The following ST18 variants were observed in gnomAD, a reference collection of about 807,000 sequenced individuals.
ST18 encodes ST18 C2H2C-type zinc finger transcription factor, also known as suppression of tumorigenicity 18 protein.
Under a neutral mutation model 110.0 loss-of-function variants are expected in ST18, and 50 were observed. The observed-to-expected ratio is 0.45, with a 90% CI of 0.36 to 0.58. The LOEUF is 0.58. ST18 is among the 20% of genes least tolerant of loss of function. The pLI is 0.00. For missense variants in ST18, 1,306 were observed against 1,280.1 expected, an observed-to-expected ratio of 1.02 and a Z score of -0.31; for synonymous variants, 461 against 452.4, an observed-to-expected ratio of 1.02 and a Z score of -0.24.
intron 16 of ST18, 29 bp from the exon 17 acceptor site, chr8:52,143,074 C>G (rs2055854955): frequency 1.4e-6 from 2 of 1,452,020 alleles, no homozygotes; most frequent in African/African-American, 2.8e-5. Flanking sequence ...ACAAACAAAA[C>G]ACAGAAGCCA....
intron 2 of ST18, among the ~76,000 whole-genome samples, chr8:52,393,234 G>T (rs1300527993): frequency 1.3e-5 from 2 of 152,142 alleles, no homozygotes; most frequent in African/African-American, 4.8e-5. Flanking sequence ...CTCAAAATAG[G>T]AAAGTGTTAT....
intron 2 of ST18, among the ~76,000 whole-genome samples, chr8:52,247,520 G>T (rs921893039): frequency 2.0e-5 from 3 of 152,124 alleles, no homozygotes; most frequent in African/African-American, 7.2e-5. Context: ...CGTAAGGATG[G>T]GGGCAAAATA....
At chr8:52,236,967 A>T (rs1267053447) in intron 2 of ST18, among the ~76,000 whole-genome samples, 6 of 152,200 alleles carry the variant, frequency 3.9e-5, no homozygotes, top group South Asian at 2.1e-4. Context: ...CTGTCTCTCA[A>T]GTAACACCAA....
At chr8:52,332,577 G>T (rs1406915527) in intron 2 of ST18, among the ~76,000 whole-genome samples, 1 of 137,052 alleles carries the variant, frequency 7.3e-6, no homozygotes, top group Non-Finnish European at 1.5e-5. Context: ...TGCAGGCCGG[G>T]CACGGTGGCT....
At chr8:52,359,949 G>C (rs1824954542) in intron 2 of ST18, among the ~76,000 whole-genome samples, 1 of 152,108 alleles carries the variant, frequency 6.6e-6, no homozygotes, top group Non-Finnish European at 1.5e-5. Context: ...GATAAGAATA[G>C]ATATAGCAAC....
At chr8:52,218,770 G>A (rs1367384451) in intron 5 of ST18, among the ~76,000 whole-genome samples, 1 of 151,940 alleles carries the variant, frequency 6.6e-6, no homozygotes, top group Non-Finnish European at 1.5e-5. Context: ...ACAAGATTTT[G>A]CTGTGCTCAT....
intron 2 of ST18, among the ~76,000 whole-genome samples, chr8:52,300,449 C>T (rs1269058023): frequency 2.0e-5 from 3 of 152,112 alleles, no homozygotes; most frequent in African/African-American, 7.2e-5. Context: ...TTATATGTAG[C>T]TATGACAAAC....
chr8:52,188,234 G>A (rs1163125167), intron 8 of ST18, among the ~76,000 whole-genome samples: 1 of 152,170 alleles, frequency 6.6e-6, no homozygotes, highest in Non-Finnish European at 1.5e-5. Flanking sequence ...AAGCGAAACA[G>A]GAAATATATG....
At chr8:52,378,363 A>T (rs1284306886) in intron 2 of ST18, among the ~76,000 whole-genome samples, 1 of 152,220 alleles carries the variant, frequency 6.6e-6, no homozygotes, top group Non-Finnish European at 1.5e-5. Flanking sequence ...TACCCCACAA[A>T]TATATACAAC....
At chr8:52,340,167 G>A (rs1052050045) in intron 2 of ST18, among the ~76,000 whole-genome samples, 3 of 152,196 alleles carry the variant, frequency 2.0e-5, no homozygotes, top group Non-Finnish European at 4.4e-5. Context: ...ACACAGCCAG[G>A]GTGTGGCTAT....
intron 2 of ST18, among the ~76,000 whole-genome samples, chr8:52,234,729 G>T (rs1173834567): frequency 4.8e-5 from 1 of 20,960 alleles, no homozygotes; most frequent in Non-Finnish European, 6.7e-5. Context: ...AGAAACTATG[G>T]TGTGTGTGTG....
chr8:52,143,880 A>G (rs1270310877), intron 16 of ST18, among the ~76,000 whole-genome samples: 1 of 152,226 alleles, frequency 6.6e-6, no homozygotes, highest in Non-Finnish European at 1.5e-5. Flanking sequence ...AATATGTAAT[A>G]ACTGAGGCTA....
intron 2 of ST18, among the ~76,000 whole-genome samples, chr8:52,372,258 G>C (rs1182721604): frequency 6.6e-6 from 1 of 151,950 alleles, no homozygotes; most frequent in Non-Finnish European, 1.5e-5. Flanking sequence ...ATAGAAAAAA[G>C]CTTGCAGAAT....
At chr8:52,116,919 T>C (rs909281510) in intron 24 of ST18, among the ~76,000 whole-genome samples, 1 of 152,122 alleles carries the variant, frequency 6.6e-6, no homozygotes. Flanking sequence ...GGTGGCCTTG[T>C]GTTTGCCATT....
chr8:52,185,783 G>T (rs2071863338), intron 8 of ST18, among the ~76,000 whole-genome samples: 1 of 152,082 alleles, frequency 6.6e-6, no homozygotes, highest in Non-Finnish European at 1.5e-5. Flanking sequence ...GAAGGATGGC[G>T]AATTTGCACT....
chr8:52,152,015 C>A (rs772400529), intron 15 of ST18, among the ~76,000 whole-genome samples: 1 of 152,174 alleles, frequency 6.6e-6, no homozygotes, highest in East Asian at 1.9e-4. Context: ...TCCATTAAGA[C>A]AATGATAGAT....
intron 2 of ST18, among the ~76,000 whole-genome samples, chr8:52,310,546 G>A (rs534672724): frequency 8.0e-4 from 122 of 152,176 alleles, no homozygotes; most frequent in Non-Finnish European, 5.1e-4. Context: ...TCTGGGCTTC[G>A]TTTTGAAAGA....
chr8:52,319,219 T>C (rs1325933434), intron 2 of ST18, among the ~76,000 whole-genome samples: 1 of 152,220 alleles, frequency 6.6e-6, no homozygotes, highest in African/African-American at 2.4e-5. Context: ...TGATCCATTT[T>C]TGTCGATTTC....
chr8:52,407,573 A>T (rs1033705910), intron 2 of ST18: 1 of 152,204 alleles, frequency 6.6e-6, no homozygotes, highest in African/African-American at 2.4e-5. Context: ...AAGTGAAAAC[A>T]TCTCTGACAG....
Sources: allele counts gnomAD v4.1 joint callset (sites outside exome capture counted in the v4.1 genomes callset), GRCh38; gene constraint gnomAD v4.1.1; transcripts MANE v1.5; gene names NCBI Gene and HGNC (gene_info 2026-07-23, HGNC 2026-07-21).